Variants in RSRP1 observed in about 807,000 individuals in gnomAD.
RSRP1 encodes the protein arginine/serine-rich protein 1.
In RSRP1, 37 loss-of-function variants were observed where a neutral mutation model predicts 33.0. The observed-to-expected ratio is 1.12, with a 90% CI of 0.86 to 1.48. RSRP1 has a LOEUF of 1.48. Ranked by LOEUF, RSRP1 falls within the 40% of genes most tolerant of loss-of-function variation. The pLI, the probability that RSRP1 is intolerant of heterozygous loss-of-function variation, is 0.00. For synonymous variants in RSRP1, 167 were observed against 158.7 expected (o/e 1.05, Z -0.40); for missense variants, 402 against 385.3 (o/e 1.04, Z -0.36).
At chr1:25,264,024 A>T (rs1320763549) in intron 1 of RSRP1, among the ~76,000 whole-genome samples, 1 of 152,086 alleles carries the variant, frequency 6.6e-6, no homozygotes, top group Non-Finnish European at 1.5e-5. Context: ...CGCAGATGGA[A>T]GGGGTGGGTT....
At chr1:25,244,274 C>T (rs1045127155) in intron 3 of RSRP1, 4 of 1,288,736 alleles carry the variant, frequency 3.1e-6, no homozygotes. Flanking sequence ...TCACAGATGC[C>T]CCACCGTTAC....
chr1:25,281,660 C>T (rs906688178), intron 1 of RSRP1, among the ~76,000 whole-genome samples: 1 of 130,986 alleles, frequency 7.6e-6, no homozygotes, highest in Non-Finnish European at 1.8e-5. Context: ...CACACACCCC[C>T]ATTCCTAAGG....
intron 1 of RSRP1, among the ~76,000 whole-genome samples, chr1:25,319,109 C>T (rs1248329689): frequency 1.5e-5 from 2 of 132,398 alleles, no homozygotes; most frequent in African/African-American, 5.1e-5. Flanking sequence ...TTTTATTTGG[C>T]AACCCTGTCC....
In RSRP1 at chr1:25,301,519, G is replaced by A. The variant is rs1454022286; in HGVS notation, c.-67+36459C>T. The A allele has an allele frequency of 3.6e-6, 5 of 1,377,884 alleles. 2 individuals are homozygous for A. In the African/African-American group the frequency reaches 7.2e-5, roughly 20 times the overall value. The allele number at this position is 1,377,884 out of a possible 1,614,324, so 85.4% of individuals were successfully genotyped here. ...GGCCAACCACCCTCTCTGGCCCCCA[G>A]GCGCCCTCTTCTTGTGGATGTTCTG... is the stretch of plus-strand genomic sequence containing the variant. On this transcript the variant is annotated intron_variant, in intron 1 of 1. Coordinates refer to the RSRP1 transcript ENST00000561867.
upstream of RSRP1, among the ~76,000 whole-genome samples, chr1:25,250,436 G>T (rs1384018782): frequency 6.6e-6 from 1 of 152,196 alleles, no homozygotes; most frequent in Non-Finnish European, 1.5e-5. Flanking sequence ...TTTAAACAAG[G>T]TAGGGTATCA....
At chr1:25,331,928 G>C (rs1409971201) in intron 1 of RSRP1, among the ~76,000 whole-genome samples, 1 of 128,274 alleles carries the variant, frequency 7.8e-6, no homozygotes, top group African/African-American at 2.6e-5. Context: ...TTTTAGTAGA[G>C]ACGGGGTTTC....
intron 1 of RSRP1, among the ~76,000 whole-genome samples, chr1:25,332,064 G>T: frequency 9.1e-6 from 1 of 110,228 alleles, no homozygotes; most frequent in African/African-American, 3.1e-5. Context: ...TTTTTGAGAT[G>T]GAGTCTTGCT....
At chr1:25,250,245 G>A (rs772342248), upstream of RSRP1, among the ~76,000 whole-genome samples, 3 of 152,160 alleles carry the variant, frequency 2.0e-5, no homozygotes, top group African/African-American at 4.8e-5. Flanking sequence ...ACCTTCCACC[G>A]AGCACATTCC....
At chr1:25,337,293 C>T (rs1467679379) in intron 1 of RSRP1, 3 of 152,142 alleles carry the variant, frequency 2.0e-5, no homozygotes, top group Non-Finnish European at 4.4e-5. Context: ...AGGGAGACCG[C>T]ACGTTGCGCC....
rs1323984817 is a variant in RSRP1 at position 25,246,861 on chromosome 1, T to C, written c.103A>G (p.Arg35Gly). 1.9e-6 allele frequency: 3 copies of C among 1,611,540 alleles called. No individual in the cohort carries two copies. Among genetic ancestry groups the C allele is most frequent in the East Asian group, 2.2e-5 (1 of 44,856 alleles). ...GGSSRLSSRS[R>G]SRSFSRSSRS... ...GAGCTTCTGGAAAAAGAGCGGCTCC[T>C]AGACCGCGACGACAGCCGGCTGGAC... Residue 35 changes from arginine (R) to glycine (G), a missense_variant, in exon 2 of 5, where the codon AGG becomes GGG. Physicochemically the swap from Arg to Gly is moderately radical, Grantham distance 125. Coordinates refer to ENST00000243189, the MANE Select transcript of RSRP1 (RefSeq NM_020317.5).
rs1644072581 is a variant in RSRP1, at chr1:25,310,305, G to A, written c.-67+27673C>T. On this transcript the variant is annotated intron_variant, in intron 1 of 1. Coordinates refer to the RSRP1 transcript ENST00000561867. Reference sequence around the variant, plus strand: ...TTAGGATTAGATAAGGTCATGGGGTGAGGTATGATGGCACTGGTGACTTAT... The same window carrying A: ...TTAGGATTAGATAAGGTCATGGGGTAAGGTATGATGGCACTGGTGACTTAT... Among the ~76,000 whole-genome samples the A allele has an allele frequency of 1.5e-5, 2 of 133,038 alleles. 1 individual carries two copies. Among genetic ancestry groups the A allele is most frequent in the Admixed American group, 1.5e-4 (2 of 13,624 alleles). The allele number at this position is 133,038 out of a possible 152,430, so 87.3% of individuals were successfully genotyped here.
At chr1:25,259,605 T>C (rs1374298194) in intron 1 of RSRP1, among the ~76,000 whole-genome samples, 1 of 151,726 alleles carries the variant, frequency 6.6e-6, no homozygotes, top group African/African-American at 2.4e-5. Context: ...CAGGTTCAAG[T>C]GATTCTCCTG....
chr1:25,277,614 G>C (rs570564436), intron 1 of RSRP1, among the ~76,000 whole-genome samples: 1 of 129,424 alleles, frequency 7.7e-6, no homozygotes, highest in Admixed American at 7.5e-5. Context: ...GATAGTACTT[G>C]TTTCATTAAG....
chr1:25,245,442 G>A, intron 2 of RSRP1, 141 bp from the exon 3 acceptor site: 1 of 1,236,386 alleles, frequency 8.1e-7, no homozygotes, highest in Non-Finnish European at 1.1e-6. Flanking sequence ...GTAAACTAAG[G>A]TTGCCCTTGA....
At chr1:25,261,612 G>A (rs1323138844) in intron 1 of RSRP1, among the ~76,000 whole-genome samples, 2 of 151,318 alleles carry the variant, frequency 1.3e-5, no homozygotes, top group Admixed American at 6.6e-5. Flanking sequence ...CACCATGTTA[G>A]CCAGGATGGT....
rs1458383174 is a variant in RSRP1, at chr1:25,246,781, C to T, written c.183G>A (p.Lys61=). 2 of 1,613,120 alleles carry T rather than the reference C, an allele frequency of 1.2e-6. No homozygotes were observed. Among genetic ancestry groups the T allele is most frequent in the Non-Finnish European group, 1.7e-6 (2 of 1,179,524 alleles). ...GGCGCCTTCGGGAACGGGACCTGGA[C>T]TTGCTCCTCCGACTCCTGGACGAAA... is the stretch of plus-strand genomic sequence containing the variant. ...SRFSSRSRRS[K]SRSRSRRRHQ... The change falls in exon 2 of 5, where the codon AAG becomes AAA. Residue 61 remains lysine (K), a synonymous_variant. Coordinates refer to ENST00000243189, the MANE Select transcript of RSRP1 (RefSeq NM_020317.5).
intron 2 of RSRP1, 112 bp from the exon 3 acceptor site, chr1:25,245,413 G>A: frequency 1.5e-6 from 2 of 1,359,574 alleles, no homozygotes; most frequent in Non-Finnish European, 2.0e-6. Context: ...AATATATTAA[G>A]TCACTTGTTT....
At chr1:25,312,950 A>C (rs1330483483) in intron 1 of RSRP1, among the ~76,000 whole-genome samples, 1 of 111,966 alleles carries the variant, frequency 8.9e-6, no homozygotes, top group African/African-American at 2.9e-5. Context: ...AAAAAAAAAA[A>C]AAAAACTTTA....
rs1644205835 is a variant in RSRP1 at position 25,312,609 on chromosome 1, G to T, written c.-67+25369C>A. On this transcript the variant is annotated intron_variant, in intron 1 of 1. Coordinates refer to the RSRP1 transcript ENST00000561867. ...AAATAAAAATAAAAAAATTAGCCAG[G>T]TATTGTGGCATATACCTGTAATTCT... 2.3e-5 allele frequency among the ~76,000 whole-genome samples: 3 copies of T among 129,192 alleles called. 1 individual carries two copies. The highest frequency in any genetic ancestry group is 7.9e-5 in the African/African-American group (3 of 38,022). The allele number at this position is 129,192 out of a possible 152,430, so 84.8% of individuals were successfully genotyped here.
Sources: gnomAD v4.1 joint callset for allele counts (sites outside exome capture counted in the v4.1 genomes callset) on GRCh38, gnomAD v4.1.1 for gene constraint, MANE v1.5 for transcripts, NCBI Gene and HGNC (gene_info 2026-07-23, HGNC 2026-07-21) for gene names.